The following PCDHA11 variants were observed in gnomAD, a reference collection of about 807,000 sequenced individuals.
PCDHA11 encodes the protein protocadherin alpha-11.
A neutral mutation model predicts 70.3 loss-of-function variants in PCDHA11; 61 were observed. The ratio of observed to expected loss-of-function variants is 0.87; its 90% CI spans 0.71 to 1.07. The LOEUF is 1.07. Ranked by LOEUF, PCDHA11 falls within the 50% of genes least tolerant of loss-of-function variation. The probability of loss-of-function intolerance (pLI) is 0.00; values close to 1 mark genes in which losing one functional copy is unlikely to be tolerated. For missense variants in PCDHA11, 1,324 were observed against 1,237.5 expected, an observed-to-expected ratio of 1.07 and a Z score of -1.05; for synonymous variants, 633 against 555.1, an observed-to-expected ratio of 1.14 and a Z score of -1.97.
chr5:140,938,758 A>T (rs2153638695), intron 1 of PCDHA11, among the ~76,000 whole-genome samples: 1 of 152,274 alleles, frequency 6.6e-6, no homozygotes, highest in African/African-American at 2.4e-5. Flanking sequence ...AGGCATAGTT[A>T]TTGGGTACTA....
At chr5:140,915,531 T>C (rs1258680816) in intron 1 of PCDHA11, among the ~76,000 whole-genome samples, 1 of 152,150 alleles carries the variant, frequency 6.6e-6, no homozygotes, top group Non-Finnish European at 1.5e-5. Context: ...AGGTACCATC[T>C]TGGAGGTCTT....
At chr5:140,912,494 A>T (rs536513157) in intron 1 of PCDHA11, among the ~76,000 whole-genome samples, 1 of 152,190 alleles carries the variant, frequency 6.6e-6, no homozygotes, top group South Asian at 2.1e-4. Context: ...CAGATCTAGG[A>T]GCTTTTTGGA....
At chr5:140,970,884 A>G (rs1013057138) in intron 1 of PCDHA11, among the ~76,000 whole-genome samples, 1 of 152,218 alleles carries the variant, frequency 6.6e-6, no homozygotes, top group Admixed American at 6.5e-5. Context: ...GATTTTTCTC[A>G]TGGACATTTC....
chr5:140,877,135 G>C, intron 1 of PCDHA11: 1 of 1,613,790 alleles, frequency 6.2e-7, no homozygotes, highest in Non-Finnish European at 8.5e-7. Flanking sequence ...GCAGGTGTTC[G>C]TGCTGGACGA....
intron 3 of PCDHA11, among the ~76,000 whole-genome samples, chr5:140,990,310 C>A (rs1371432693): frequency 3.9e-5 from 6 of 152,110 alleles, no homozygotes; most frequent in African/African-American, 1.2e-4. Context: ...CTGTAAAAAA[C>A]CAACCAAACA....
intron 1 of PCDHA11, among the ~76,000 whole-genome samples, chr5:140,906,364 C>T (rs2072599872): frequency 6.6e-6 from 1 of 152,184 alleles, no homozygotes; most frequent in African/African-American, 2.4e-5. Context: ...ATTCCCAACC[C>T]AAATGCTATT....
intron 1 of PCDHA11, among the ~76,000 whole-genome samples, chr5:140,893,379 ACAG>A (rs2063957000): frequency 6.6e-6 from 1 of 152,140 alleles, no homozygotes; most frequent in South Asian, 2.1e-4. Context: ...CATTTATGGG[ACAG>A]TGGCTCATGC....
At chr5:140,918,324 A>G (rs782356672) in intron 1 of PCDHA11, among the ~76,000 whole-genome samples, 1 of 152,058 alleles carries the variant, frequency 6.6e-6, no homozygotes, top group Non-Finnish European at 1.5e-5. Flanking sequence ...ATAAAATTAT[A>G]TTGTCTGCTA....
At chr5:141,005,527 C>A (rs1448254191) in intron 3 of PCDHA11, among the ~76,000 whole-genome samples, 1 of 151,230 alleles carries the variant, frequency 6.6e-6, no homozygotes, top group Non-Finnish European at 1.5e-5. Context: ...CACGGTGAAA[C>A]CCCGTCTCTA....
chr5:140,928,792 G>A (rs1190569981), intron 1 of PCDHA11: 2 of 1,614,048 alleles, frequency 1.2e-6, no homozygotes, highest in Non-Finnish European at 1.7e-6. Context: ...TAAGCAGAGG[G>A]TGGTGGTAGT....
intron 1 of PCDHA11, among the ~76,000 whole-genome samples, chr5:140,942,118 A>C (rs554488765): frequency 1.3e-5 from 2 of 152,360 alleles, no homozygotes; most frequent in East Asian, 3.9e-4. Flanking sequence ...AAACTTTATT[A>C]AAGGTGATAT....
At chr5:140,979,243 C>T (rs1554240401) in intron 2 of PCDHA11, among the ~76,000 whole-genome samples, 1 of 152,178 alleles carries the variant, frequency 6.6e-6, no homozygotes, top group Non-Finnish European at 1.5e-5. Context: ...CAGAAACAGG[C>T]TGCTATGTAT....
In PCDHA11 at chr5:141,010,177, C is replaced by T; in HGVS notation, c.*240C>T. 3 of 1,556,196 alleles carry T rather than the reference C, an allele frequency of 1.9e-6. No homozygotes were observed. The highest frequency in any genetic ancestry group is 1.7e-4 in the Middle Eastern group (1 of 6,000). On this transcript the variant is annotated 3_prime_UTR_variant, in exon 4 of 4. Coordinates refer to ENST00000398640, the MANE Select transcript of PCDHA11 (RefSeq NM_018902.5). ...TGGCTTGTTTTCAGAACCTAAAAAG[C>T]AGACCCAAGTTTCCTTTCTCCTCCG... is the stretch of plus-strand genomic sequence containing the variant.
At chr5:140,928,178 G>C (rs2085023372) in intron 1 of PCDHA11, 1 of 1,614,074 alleles carries the variant, frequency 6.2e-7, no homozygotes, top group African/African-American at 1.3e-5. Flanking sequence ...AGCACCCGAA[G>C]GACAATCACT....
chr5:140,883,302 A>T (rs1177736093), intron 1 of PCDHA11: 1 of 1,613,992 alleles, frequency 6.2e-7, no homozygotes, highest in African/African-American at 1.3e-5. Context: ...GATGTAAATG[A>T]TAACGCCCCA....
rs1458420006 is a variant in PCDHA11 at position 140,928,100 on chromosome 5, T to A, written c.2392-50849T>A. On this transcript the variant is annotated intron_variant, in intron 1 of 3. Transcript: ENST00000398640. Reference sequence around the variant, plus strand: ...TACAGCCTGCTGATTGATGGGCCCCTGGACCGGGAGCAGATCAGTGAATAC... The same window carrying A: ...TACAGCCTGCTGATTGATGGGCCCCAGGACCGGGAGCAGATCAGTGAATAC... 2.3e-5 allele frequency: 37 copies of A among 1,614,090 alleles called. No individual in the cohort carries two copies. Among genetic ancestry groups the A allele is most frequent in the Non-Finnish European group, 2.9e-5 (34 of 1,180,048 alleles).
intron 1 of PCDHA11, among the ~76,000 whole-genome samples, chr5:140,879,972 C>T (rs1005756157): frequency 6.6e-6 from 1 of 152,176 alleles, no homozygotes; most frequent in Non-Finnish European, 1.5e-5. Context: ...AGGATAAACT[C>T]CTTTCAAGAT....
intron 1 of PCDHA11, among the ~76,000 whole-genome samples, chr5:140,955,244 G>A (rs1554221834): frequency 2.0e-5 from 3 of 152,072 alleles, no homozygotes; most frequent in South Asian, 2.1e-4. Flanking sequence ...GCTTAGGATC[G>A]GCTTGGCTAT....
At chr5:140,998,118 G>A (rs545818682) in intron 3 of PCDHA11, among the ~76,000 whole-genome samples, 5 of 152,282 alleles carry the variant, frequency 3.3e-5, no homozygotes, top group Admixed American at 1.3e-4. Flanking sequence ...AAATTTACTT[G>A]TGAATCATAA....
Sources: allele counts gnomAD v4.1 joint callset (sites outside exome capture counted in the v4.1 genomes callset), GRCh38; gene constraint gnomAD v4.1.1; transcripts MANE v1.5; gene names NCBI Gene and HGNC (gene_info 2026-07-23, HGNC 2026-07-21).